Variants in FBXW11 observed in about 807,000 individuals in gnomAD.
FBXW11 encodes F-box and WD repeat domain containing 11.
A neutral mutation model predicts 77.6 loss-of-function variants in FBXW11; 19 were observed. The ratio of observed to expected loss-of-function variants is 0.24; its 90% confidence interval spans 0.17 to 0.36. The LOEUF (loss-of-function observed/expected upper bound fraction) is 0.36. Ranked by LOEUF, FBXW11 falls within the 10% of genes least tolerant of loss-of-function variation. The pLI, the probability that FBXW11 is intolerant of heterozygous loss-of-function variation, is 1.00. For synonymous variants in FBXW11, 235 were observed against 249.4 expected (o/e 0.94, Z 0.54); for missense variants, 334 against 704.2 (o/e 0.47, Z 5.95).
At chr5:171,872,836 T>A (rs975926806) in intron 10 of FBXW11, 36 bp downstream of exon 10, 1 of 1,515,920 alleles carries the variant, frequency 6.6e-7, no homozygotes, top group Non-Finnish European at 9.2e-7. Flanking sequence ...GTGGCAAAAA[T>A]CAGCCTGCTC....
intron 7 of FBXW11, among the ~76,000 whole-genome samples, chr5:171,883,655 A>AT (rs1758677153): frequency 6.6e-6 from 1 of 151,956 alleles, no homozygotes; most frequent in Non-Finnish European, 1.5e-5. Flanking sequence ...CTGTTTTTTG[A>AT]TTTTTTTATT....
At chr5:171,966,460 G>A (rs1764192747) in intron 1 of FBXW11, among the ~76,000 whole-genome samples, 1 of 152,216 alleles carries the variant, frequency 6.6e-6, no homozygotes, top group Admixed American at 6.5e-5. Context: ...TTTGAGGTGG[G>A]AAGTGGAATC....
intron 13 of FBXW11, among the ~76,000 whole-genome samples, chr5:171,864,546 T>C (rs1268649385): frequency 6.6e-6 from 1 of 152,212 alleles, no homozygotes; most frequent in Non-Finnish European, 1.5e-5. Flanking sequence ...TCTCACATCC[T>C]CACGAGAGCC....
intron 2 of FBXW11, among the ~76,000 whole-genome samples, chr5:171,932,002 G>T (rs1401484477): frequency 6.6e-6 from 1 of 151,818 alleles, no homozygotes; most frequent in East Asian, 1.9e-4. Flanking sequence ...AGCCTCCAGA[G>T]TAGCTGCGAC....
chr5:171,916,378 A>C, intron 2 of FBXW11: 3 of 942,700 alleles, frequency 3.2e-6, no homozygotes, highest in Non-Finnish European at 3.8e-6. Context: ...TCTCAGTAAA[A>C]TCTTATAAAC....
intron 10 of FBXW11, among the ~76,000 whole-genome samples, chr5:171,871,847 C>T (rs564213883): frequency 1.3e-5 from 2 of 152,172 alleles, no homozygotes; most frequent in South Asian, 4.1e-4. Flanking sequence ...TCAGTACTGC[C>T]ACTATGACTC....
chr5:171,951,367 C>T (rs753634250), intron 2 of FBXW11, among the ~76,000 whole-genome samples: 1 of 152,022 alleles, frequency 6.6e-6, no homozygotes, highest in African/African-American at 2.4e-5. Context: ...AAGACCCTGT[C>T]TGTACAAAAA....
chr5:171,944,074 A>T, intron 2 of FBXW11, among the ~76,000 whole-genome samples: 1 of 152,224 alleles, frequency 6.6e-6, no homozygotes, highest in Middle Eastern at 3.4e-3. Context: ...AAAGACTCTA[A>T]GCACCCAAAG....
chr5:171,898,419 T>C (rs1026814701), intron 6 of FBXW11, among the ~76,000 whole-genome samples: 1 of 152,206 alleles, frequency 6.6e-6, no homozygotes, highest in South Asian at 2.1e-4. Flanking sequence ...ATAGTAAAAC[T>C]GAACTAATTA....
At chr5:171,942,077 C>A (rs1328329992) in intron 2 of FBXW11, among the ~76,000 whole-genome samples, 12 of 151,262 alleles carry the variant, frequency 7.9e-5, no homozygotes, top group African/African-American at 2.7e-4. Context: ...ATTAGTATAA[C>A]ACACAGAACC....
intron 4 of FBXW11, among the ~76,000 whole-genome samples, chr5:171,903,488 T>C (rs773289086): frequency 7.9e-5 from 12 of 152,170 alleles, no homozygotes; most frequent in African/African-American, 2.2e-4. Context: ...ATCACTAGGA[T>C]TGACAAATTA....
chr5:171,885,835 C>T (rs1450116073), intron 7 of FBXW11, among the ~76,000 whole-genome samples: 2 of 152,140 alleles, frequency 1.3e-5, no homozygotes, highest in Non-Finnish European at 2.9e-5. Context: ...ATAATATCTA[C>T]AATAGCAAAG....
At chr5:171,870,894 CCA>C in intron 10 of FBXW11, 36 bp from the exon 11 acceptor site, 1 of 1,454,982 alleles carries the variant, frequency 6.9e-7, no homozygotes, top group South Asian at 1.1e-5. Flanking sequence ...AAACAAATTC[CCA>C]CACACGATTC....
intron 2 of FBXW11, among the ~76,000 whole-genome samples, chr5:171,937,233 ACATGAG>A (rs1762526489): frequency 6.6e-6 from 1 of 152,256 alleles, no homozygotes; most frequent in Admixed American, 6.5e-5. Context: ...AAGCAAACTT[ACATGAG>A]TATTCAGTAA....
At chr5:171,891,910 T>G (rs778713544) in intron 6 of FBXW11, among the ~76,000 whole-genome samples, 2 of 152,108 alleles carry the variant, frequency 1.3e-5, no homozygotes, top group Non-Finnish European at 2.9e-5. Context: ...ACCCAAAACA[T>G]GCAAATAAAT....
At chr5:171,900,125 G>A (rs1169540277) in intron 4 of FBXW11, 25 bp from the exon 5 acceptor site, 2 of 1,571,820 alleles carry the variant, frequency 1.3e-6, no homozygotes, top group African/African-American at 2.7e-5. Flanking sequence ...AGGGAATGAA[G>A]GAACGGGAAG....
At chr5:172,003,656 A>C (rs996770291) in intron 1 of FBXW11, among the ~76,000 whole-genome samples, 2 of 152,230 alleles carry the variant, frequency 1.3e-5, no homozygotes, top group African/African-American at 4.8e-5. Flanking sequence ...AGAGTGGGTC[A>C]GGAGGAGAAG....
chr5:171,963,226 C>T (rs1764002418), intron 1 of FBXW11, among the ~76,000 whole-genome samples: 1 of 151,908 alleles, frequency 6.6e-6, no homozygotes, highest in Non-Finnish European at 1.5e-5. Flanking sequence ...TACATACACA[C>T]ACAAATATGA....
chr5:171,893,600 A>C (rs567734760), intron 6 of FBXW11, among the ~76,000 whole-genome samples: 4 of 152,090 alleles, frequency 2.6e-5, no homozygotes, highest in Non-Finnish European at 5.9e-5. Context: ...TTAGATAGTG[A>C]CTGTGCCATC....
Sources: allele counts gnomAD v4.1 joint callset (sites outside exome capture counted in the v4.1 genomes callset), GRCh38; gene constraint gnomAD v4.1.1; transcripts MANE v1.5; gene names NCBI Gene and HGNC (gene_info 2026-07-23, HGNC 2026-07-21).